Variants in RARB observed in about 807,000 individuals in gnomAD.
RARB encodes retinoic acid receptor beta.
Under a neutral mutation model 51.9 loss-of-function variants are expected in RARB, and 17 were observed. The observed-to-expected ratio is 0.33, with a 90% CI of 0.22 to 0.49. The LOEUF is 0.49. RARB is among the 20% of genes least tolerant of loss of function. RARB has a pLI of 0.99. For synonymous variants in RARB, 215 were observed against 195.4 expected (o/e 1.10, Z -0.84); for missense variants, 369 against 550.8 (o/e 0.67, Z 3.30).
chr3:25,371,167 T>A (rs939601995), intron 5 of RARB, among the ~76,000 whole-genome samples: 1 of 152,190 alleles, frequency 6.6e-6, no homozygotes, highest in African/African-American at 2.4e-5. Flanking sequence ...GCAACAGTGT[T>A]GAGAAGCGGG....
intron 3 of RARB, among the ~76,000 whole-genome samples, chr3:25,117,025 GCCAGAA>G (rs1699699541): frequency 6.6e-6 from 1 of 152,156 alleles, no homozygotes; most frequent in Non-Finnish European, 1.5e-5. Flanking sequence ...AGATAGACCA[GCCAGAA>G]ATCATCCTTT....
intron 5 of RARB, among the ~76,000 whole-genome samples, chr3:25,188,376 T>C (rs975710894): frequency 2.0e-5 from 3 of 152,156 alleles, no homozygotes; most frequent in Admixed American, 6.6e-5. Flanking sequence ...GGAGACCTTT[T>C]ATTGGGTTAA....
intron 2 of RARB, among the ~76,000 whole-genome samples, chr3:24,941,761 A>T (rs887073984): frequency 2.6e-5 from 4 of 152,206 alleles, no homozygotes; most frequent in East Asian, 3.8e-4. Context: ...AGAACACTTC[A>T]TTCACTAACA....
At chr3:24,951,631 G>T (rs1344906637) in intron 2 of RARB, among the ~76,000 whole-genome samples, 1 of 152,100 alleles carries the variant, frequency 6.6e-6, no homozygotes, top group East Asian at 1.9e-4. Flanking sequence ...CCTGTCTCTG[G>T]TACACTCACT....
chr3:25,071,781 A>G (rs926608686), intron 3 of RARB, among the ~76,000 whole-genome samples: 1 of 152,310 alleles, frequency 6.6e-6, no homozygotes, highest in African/African-American at 2.4e-5. Context: ...CTTTCAGCCC[A>G]AAGTAATAAA....
At chr3:25,471,313 G>A (rs1402191136) in intron 2 of RARB, among the ~76,000 whole-genome samples, 4 of 152,152 alleles carry the variant, frequency 2.6e-5, no homozygotes, top group Non-Finnish European at 5.9e-5. Context: ...ATATACTGAC[G>A]TGGAAGAGTA....
At chr3:24,940,405 T>G (rs1296631876) in intron 2 of RARB, among the ~76,000 whole-genome samples, 3 of 151,852 alleles carry the variant, frequency 2.0e-5, no homozygotes, top group Non-Finnish European at 2.9e-5. Context: ...CGATGTCTTT[T>G]GTTTAAAGAT....
At chr3:25,378,072 T>C (rs1420899668) in intron 5 of RARB, among the ~76,000 whole-genome samples, 1 of 152,198 alleles carries the variant, frequency 6.6e-6, no homozygotes, top group Non-Finnish European at 1.5e-5. Flanking sequence ...CAAAGTTATG[T>C]TTTTCATCTG....
At chr3:24,925,776 A>G (rs997491892) in intron 2 of RARB, among the ~76,000 whole-genome samples, 2 of 151,934 alleles carry the variant, frequency 1.3e-5, no homozygotes, top group Non-Finnish European at 2.9e-5. Context: ...ACAACTTTCA[A>G]TAGCTTACTC....
chr3:24,994,890 C>A (rs1356735866), intron 2 of RARB, among the ~76,000 whole-genome samples: 1 of 151,968 alleles, frequency 6.6e-6, no homozygotes, highest in African/African-American at 2.4e-5. Flanking sequence ...ATTTCAGTTA[C>A]TACAGTGTTG....
At chr3:25,411,408 C>T (rs1707558947) in intron 5 of RARB, among the ~76,000 whole-genome samples, 1 of 152,182 alleles carries the variant, frequency 6.6e-6, no homozygotes, top group African/African-American at 2.4e-5. Flanking sequence ...AAGGTAATCC[C>T]ATCTTGGGAG....
intron 5 of RARB, among the ~76,000 whole-genome samples, chr3:25,370,764 T>C (rs1286876880): frequency 1.3e-5 from 2 of 152,222 alleles, no homozygotes; most frequent in African/African-American, 2.4e-5. Context: ...ATGGCTGCTG[T>C]AATGAATTAT....
chr3:24,880,885 G>A (rs973361347), intron 2 of RARB, among the ~76,000 whole-genome samples: 4 of 152,168 alleles, frequency 2.6e-5, no homozygotes, highest in Admixed American at 6.5e-5. Context: ...CCACATTAAT[G>A]TCTATTACAA....
rs535757512 is a variant in RARB at position 24,942,299 on chromosome 3, G to T, written c.-380+83547G>T. Reference sequence around the variant, plus strand: ...AGCTGTGCTCATAATTGTTAGAATTGGGAGGATGGCATCATCTAGAAAGCA... The same window carrying T: ...AGCTGTGCTCATAATTGTTAGAATTTGGAGGATGGCATCATCTAGAAAGCA... On this transcript the variant is annotated intron_variant, in intron 2 of 11. Coordinates refer to the RARB transcript ENST00000383772. 7.9e-5 allele frequency among the ~76,000 whole-genome samples: 12 copies of T among 152,228 alleles called. No individual in the cohort carries two copies. The South Asian group carries it at 1.0e-3, about 13-fold the overall frequency.
At chr3:25,420,039 G>T (rs951883229) in intron 5 of RARB, among the ~76,000 whole-genome samples, 1 of 152,074 alleles carries the variant, frequency 6.6e-6, no homozygotes, top group Non-Finnish European at 1.5e-5. Flanking sequence ...AAAGAAGAGA[G>T]AAAAACTATT....
At chr3:25,420,345 C>T (rs6778608) in intron 5 of RARB, among the ~76,000 whole-genome samples, 121,131 of 152,196 alleles carry the variant, frequency 0.8, 48,404 homozygotes, top group East Asian at 0.86. Flanking sequence ...AAGGAAATTC[C>T]TTTGGGCTTT....
Position 25,252,982 on chromosome 3 carries a change from C to A in RARB, c.178+78407C>A, listed in dbSNP as rs535115559. Among the ~76,000 whole-genome samples the A allele has an allele frequency of 3.1e-4, 47 of 152,244 alleles. 1 individual carries two copies. In the South Asian group the frequency reaches 4.8e-3, roughly 15 times the overall value. Reference sequence around the variant, plus strand: ...AGGGGAGGGTAATATGCACTCTCTCCCTCTCTGTACCAATTTATGTGTCTG... The same window carrying A: ...AGGGGAGGGTAATATGCACTCTCTCACTCTCTGTACCAATTTATGTGTCTG... On this transcript the variant is annotated intron_variant, in intron 5 of 11. Transcript: ENST00000383772.
intron 2 of RARB, among the ~76,000 whole-genome samples, chr3:24,899,125 C>T (rs1384426286): frequency 6.6e-6 from 1 of 152,140 alleles, no homozygotes; most frequent in Non-Finnish European, 1.5e-5. Context: ...ACTTAATTTT[C>T]GAGGCCTGGT....
chr3:25,235,049 A>G (rs1702271567), intron 5 of RARB, among the ~76,000 whole-genome samples: 1 of 152,154 alleles, frequency 6.6e-6, no homozygotes, highest in Non-Finnish European at 1.5e-5. Flanking sequence ...CTCTGGCCAG[A>G]AATAGGAGTT....
Sources: gnomAD v4.1 joint callset for allele counts (sites outside exome capture counted in the v4.1 genomes callset) on GRCh38, gnomAD v4.1.1 for gene constraint, MANE v1.5 for transcripts, NCBI Gene and HGNC (gene_info 2026-07-23, HGNC 2026-07-21) for gene names.